The following ACKR2 variants were observed in gnomAD, a reference collection of about 807,000 sequenced individuals.
The protein encoded by ACKR2 is atypical chemokine receptor 2.
For missense variants in ACKR2, 457 were observed against 477.3 expected (o/e 0.96, Z 0.40); for synonymous variants, 207 against 192.2 (o/e 1.08, Z -0.64).
In ACKR2 at chr3:42,864,958, C is replaced by T. The variant is rs59445029; in HGVS notation, c.456C>T (p.Tyr152=). Residue 152 remains tyrosine (Y), a synonymous_variant, in exon 3 of 3, where the codon TAC becomes TAT. Transcript: ENST00000422265. ...TGGAGATCGTTCATGCTCAGCCCTA[C>T]CACAGGCTGAGGACCCGGGCCAAGA... is the stretch of plus-strand genomic sequence containing the variant. ...KYLEIVHAQP[Y]HRLRTRAKSL... The T allele has an allele frequency of 4.5e-4, 721 of 1,614,130 alleles. 8 individuals carry two copies. The East Asian group carries it at 0.013, about 29-fold the overall frequency.
At chr3:42,848,721 A>G (rs978272229) in intron 2 of ACKR2, among the ~76,000 whole-genome samples, 2 of 152,206 alleles carry the variant, frequency 1.3e-5, no homozygotes, top group African/African-American at 4.8e-5. Flanking sequence ...GATACTTACT[A>G]ATTACAAAAG....
chr3:42,833,702 C>T (rs1185730614), intron 2 of ACKR2, among the ~76,000 whole-genome samples: 1 of 130,312 alleles, frequency 7.7e-6, no homozygotes, highest in Non-Finnish European at 1.7e-5. Context: ...TTTGAGAGAT[C>T]ATTTAAAAAA....
chr3:42,811,738 C>T (rs956452625), intron 1 of ACKR2, among the ~76,000 whole-genome samples: 14 of 152,178 alleles, frequency 9.2e-5, no homozygotes, highest in African/African-American at 3.4e-4. Context: ...TCGTAAATTC[C>T]TCCTATTCTG....
chr3:42,848,102 C>T (rs1161946641), intron 2 of ACKR2, among the ~76,000 whole-genome samples: 1 of 147,208 alleles, frequency 6.8e-6, no homozygotes, highest in Non-Finnish European at 1.5e-5. Context: ...GAGGATGAGA[C>T]AATTTGAACA....
chr3:42,865,826 C>T lies in ACKR2; in HGVS notation c.*169C>T. On this transcript the variant is annotated 3_prime_UTR_variant, in exon 3 of 3. Coordinates refer to ENST00000422265, the MANE Select transcript of ACKR2 (RefSeq NM_001296.5). ...TCGCCCCGCCTTCTTCCTCCACTTT[C>T]TTCACTTGCTTCCAGGATACCACGC... 1.7e-6 allele frequency: 1 copy of T among 580,860 alleles called. No homozygotes were observed. The allele number at this position is 580,860 out of a possible 1,614,324, so 36.0% of individuals were successfully genotyped here. A position where few individuals can be genotyped will look rare whatever the true frequency, so the allele number is the denominator to read the frequency against.
chr3:42,810,656 G>T (rs999442969), intron 1 of ACKR2, among the ~76,000 whole-genome samples: 1 of 151,862 alleles, frequency 6.6e-6, no homozygotes, highest in Non-Finnish European at 1.5e-5. Context: ...TGTACGACCC[G>T]ACCACTACCA....
At chr3:42,841,003 T>A (rs920934681) in intron 2 of ACKR2, among the ~76,000 whole-genome samples, 3 of 152,212 alleles carry the variant, frequency 2.0e-5, no homozygotes, top group Non-Finnish European at 4.4e-5. Context: ...TGTCTTAACC[T>A]TTTTTGTGCC....
At position 42,817,045 on chromosome 3, in the gene ACKR2, T is replaced by A. The variant is rs1291771724; in HGVS notation, c.-118-2586T>A. On this transcript the variant is annotated intron_variant, in intron 1 of 2. Coordinates refer to ENST00000422265, the MANE Select transcript of ACKR2 (RefSeq NM_001296.5). ...ATGGACATTATGACCTTGAACACGT[T>A]ATTTAGCCTCACATTTTTCATCAAC... is the stretch of plus-strand genomic sequence containing the variant. 2.6e-5 allele frequency among the ~76,000 whole-genome samples: 4 copies of A among 152,296 alleles called. No individual in the cohort carries two copies. In the East Asian group the frequency reaches 7.7e-4, roughly 29 times the overall value.
chr3:42,864,370 G>A (rs2088412063), intron 2 of ACKR2, 96 bp from the exon 3 acceptor site: 1 of 1,123,056 alleles, frequency 8.9e-7, no homozygotes, highest in Admixed American at 2.9e-5. Flanking sequence ...TACTGATGTA[G>A]ATTTGAAGAG....
chr3:42,827,533 G>T (rs1188972512), intron 2 of ACKR2, among the ~76,000 whole-genome samples: 1 of 152,038 alleles, frequency 6.6e-6, no homozygotes, highest in African/African-American at 2.4e-5. Context: ...GAAAGAATCT[G>T]CTGGTTATTG....
At chr3:42,813,573 C>T (rs1026294759) in intron 1 of ACKR2, among the ~76,000 whole-genome samples, 1 of 152,128 alleles carries the variant, frequency 6.6e-6, no homozygotes, top group Non-Finnish European at 1.5e-5. Flanking sequence ...GTGAGAACTA[C>T]TATAAGAGAA....
intron 2 of ACKR2, among the ~76,000 whole-genome samples, chr3:42,837,231 T>C (rs981564282): frequency 2.6e-5 from 4 of 151,882 alleles, no homozygotes; most frequent in South Asian, 2.1e-4. Flanking sequence ...GTTTTTTTTT[T>C]TGGAAGATTG....
intron 2 of ACKR2, among the ~76,000 whole-genome samples, chr3:42,820,705 T>G (rs533001221): frequency 4.9e-4 from 71 of 145,008 alleles, no homozygotes; most frequent in African/African-American, 1.7e-3. Flanking sequence ...TTTCAAAGAT[T>G]ATGAGCACTA....
chr3:42,866,570 C>T lies in ACKR2; in HGVS notation c.*913C>T, dbSNP rs569272241. 1 of 167,260 alleles carries T rather than the reference C, an allele frequency of 6.0e-6. No homozygotes were observed. Among genetic ancestry groups the T allele is most frequent in the Non-Finnish European group, 1.5e-5 (1 of 68,142 alleles). The allele number at this position is 167,260 out of a possible 1,614,324, so 10.4% of individuals were successfully genotyped here. On this transcript the variant is annotated 3_prime_UTR_variant, in exon 3 of 3. Transcript: ENST00000422265. ...TTTCCAACTGGCCCCTGTCCTTCCT[C>T]TCTCTTGCTCTCCTCCCATCTCATC...
At chr3:42,811,056 G>A (rs576350514) in intron 1 of ACKR2, among the ~76,000 whole-genome samples, 32 of 152,250 alleles carry the variant, frequency 2.1e-4, no homozygotes, top group Non-Finnish European at 4.4e-4. Flanking sequence ...CACCATGTTG[G>A]CCAGGCTGGT....
intron 2 of ACKR2, among the ~76,000 whole-genome samples, chr3:42,856,749 C>T (rs1437183305): frequency 6.6e-6 from 1 of 151,714 alleles, no homozygotes; most frequent in African/African-American, 2.4e-5. Flanking sequence ...CAGCAGTCTA[C>T]AGGCCTCTCT....
intron 2 of ACKR2, among the ~76,000 whole-genome samples, chr3:42,860,186 A>AC (rs2088369288): frequency 1.4e-5 from 2 of 145,736 alleles, no homozygotes; most frequent in Non-Finnish European, 3.0e-5. Flanking sequence ...AAAAAAAAAA[A>AC]AAAGCAGGGG....
rs979408428 is a variant in ACKR2, at chr3:42,865,915, C to T, written c.*258C>T. On this transcript the variant is annotated 3_prime_UTR_variant, in exon 3 of 3. Transcript: ENST00000422265. ...CCTTGCTTCCTTCCTTCCTTCCTTCCCTCTCTCCCTCCCTCCCTCCCTCGC... is the reference window on the plus strand; with the variant it reads ...CCTTGCTTCCTTCCTTCCTTCCTTCTCTCTCTCCCTCCCTCCCTCCCTCGC... The T allele has an allele frequency of 9.1e-5, 37 of 408,044 alleles. No homozygotes were observed. Among genetic ancestry groups the T allele is most frequent in the South Asian group, 2.5e-4 (7 of 28,176 alleles). 25.3% of individuals were successfully genotyped at this position (408,044 alleles called of 1,614,324 possible).
At chr3:42,862,015 C>A (rs1400259399) in intron 2 of ACKR2, among the ~76,000 whole-genome samples, 3 of 152,114 alleles carry the variant, frequency 2.0e-5, no homozygotes, top group African/African-American at 4.8e-5. Context: ...CTGGCCAGGG[C>A]AATCAGGCAA....
Sources: gnomAD v4.1 joint callset for allele counts (sites outside exome capture counted in the v4.1 genomes callset) on GRCh38, gnomAD v4.1.1 for gene constraint, MANE v1.5 for transcripts, NCBI Gene and HGNC (gene_info 2026-07-23, HGNC 2026-07-21) for gene names.